RABGAP1: variants seen among roughly 807,000 people sequenced by gnomAD.
RABGAP1 encodes the protein RAB GTPase activating protein 1.
In RABGAP1, 23 loss-of-function variants were observed where a neutral mutation model predicts 137.6. That is an observed-to-expected ratio of 0.17 (90% confidence interval 0.12 to 0.24). RABGAP1 has a LOEUF of 0.24. Among genes scored for constraint, RABGAP1 ranks in the 10% least tolerant of loss-of-function variants. The pLI is 1.00. For missense variants in RABGAP1, 906 were observed against 1,275.8 expected, an observed-to-expected ratio of 0.71 and a Z score of 4.42; for synonymous variants, 451 against 450.7, an observed-to-expected ratio of 1.00 and a Z score of -0.01.
At chr9:123,078,695 T>A (rs1315126686) in intron 19 of RABGAP1, among the ~76,000 whole-genome samples, 1 of 152,160 alleles carries the variant, frequency 6.6e-6, no homozygotes, top group African/African-American at 2.4e-5. Context: ...TTTCTCAGTG[T>A]CCCCATCTCA....
chr9:123,090,535 C>T (rs2035004116), intron 21 of RABGAP1, 150 bp downstream of exon 21: 3 of 592,730 alleles, frequency 5.1e-6, no homozygotes, highest in African/African-American at 3.8e-5. Flanking sequence ...TCACTTCCCT[C>T]CTTTCCTTCA....
chr9:123,090,719 T>C (rs1233018484), intron 21 of RABGAP1, among the ~76,000 whole-genome samples: 1 of 152,166 alleles, frequency 6.6e-6, no homozygotes, highest in East Asian at 1.9e-4. Context: ...ACCTCCCTCC[T>C]CAGACAGGAA....
chr9:122,965,652 A>G (rs959696564), intron 2 of RABGAP1, among the ~76,000 whole-genome samples: 1 of 152,150 alleles, frequency 6.6e-6, no homozygotes, highest in African/African-American at 2.4e-5. Flanking sequence ...CCAAAGTGCT[A>G]GGATTACAGG....
At chr9:122,992,827 A>G (rs1433837372) in intron 6 of RABGAP1, among the ~76,000 whole-genome samples, 3 of 150,058 alleles carry the variant, frequency 2.0e-5, no homozygotes, top group African/African-American at 7.3e-5. Flanking sequence ...ATTATACCTA[A>G]ATAATTATTA....
At chr9:122,981,068 C>T (rs1014764568) in intron 2 of RABGAP1, among the ~76,000 whole-genome samples, 2 of 152,002 alleles carry the variant, frequency 1.3e-5, no homozygotes, top group Non-Finnish European at 2.9e-5. Context: ...GATAGAGTCT[C>T]ATTCTGTCAC....
At chr9:123,089,611 A>G (rs1345502911) in intron 19 of RABGAP1, 147 bp from the exon 20 acceptor site, 21 of 635,024 alleles carry the variant, frequency 3.3e-5, no homozygotes, top group Non-Finnish European at 5.2e-5. Context: ...CCCTACTCTG[A>G]TGATTTCCCT....
chr9:123,032,781 A>G (rs2032373286), intron 13 of RABGAP1, among the ~76,000 whole-genome samples: 1 of 152,224 alleles, frequency 6.6e-6, no homozygotes, highest in African/African-American at 2.4e-5. Context: ...CATTTATGAC[A>G]TTACCAGGAA....
At chr9:122,997,689 T>C (rs1227436923) in intron 9 of RABGAP1, among the ~76,000 whole-genome samples, 3 of 152,216 alleles carry the variant, frequency 2.0e-5, no homozygotes, top group South Asian at 2.1e-4. Flanking sequence ...AAAGGATTTA[T>C]AGGGGGAAGT....
chr9:123,034,535 GC>G, intron 13 of RABGAP1: 1 of 1,403,290 alleles, frequency 7.1e-7, no homozygotes, highest in Non-Finnish European at 9.8e-7. Context: ...CCAAGCGGCA[GC>G]ATGAAGTGAC....
chr9:123,016,688 C>A (rs184494632), intron 12 of RABGAP1, among the ~76,000 whole-genome samples: 1 of 152,146 alleles, frequency 6.6e-6, no homozygotes, highest in African/African-American at 2.4e-5. Flanking sequence ...CTGAACACTT[C>A]TCTATTTCTG....
intron 2 of RABGAP1, among the ~76,000 whole-genome samples, chr9:122,959,364 CAAAAAAAAA>C (rs33932737): frequency 4.6e-5 from 5 of 107,746 alleles, no homozygotes; most frequent in Non-Finnish European, 8.7e-5. Flanking sequence ...TGGGGCTTTA[CAAAAAAAAA>C]AAAAAAAAAA....
At chr9:123,096,570 T>G (rs956518823) in intron 21 of RABGAP1, among the ~76,000 whole-genome samples, 1 of 152,180 alleles carries the variant, frequency 6.6e-6, no homozygotes, top group East Asian at 1.9e-4. Context: ...AGTTCCACCT[T>G]TTTTTCTCTC....
chr9:123,025,616 T>G (rs1044403072), intron 13 of RABGAP1, among the ~76,000 whole-genome samples: 2 of 151,408 alleles, frequency 1.3e-5, no homozygotes, highest in East Asian at 3.9e-4. Context: ...ATTGTTAAAT[T>G]GGTTCCTAAG....
chr9:122,950,608 A>C (rs545926587), intron 1 of RABGAP1, among the ~76,000 whole-genome samples: 39 of 151,966 alleles, frequency 2.6e-4, no homozygotes, highest in Middle Eastern at 3.4e-3. Flanking sequence ...TTACCTGTTT[A>C]CTGGTCTGTT....
intron 19 of RABGAP1, among the ~76,000 whole-genome samples, chr9:123,077,199 G>C (rs1224942929): frequency 1.3e-5 from 2 of 149,104 alleles, no homozygotes; most frequent in Admixed American, 1.3e-4. Context: ...GACAAGGCTA[G>C]AGTGCAGTGG....
chr9:123,025,931 T>C (rs897705052), intron 13 of RABGAP1, among the ~76,000 whole-genome samples: 1 of 152,082 alleles, frequency 6.6e-6, no homozygotes. Flanking sequence ...ATGATGGTGA[T>C]AACTAGCACC....
intron 4 of RABGAP1, among the ~76,000 whole-genome samples, chr9:122,986,681 A>T (rs891304861): frequency 6.6e-6 from 1 of 152,222 alleles, no homozygotes; most frequent in Non-Finnish European, 1.5e-5. Flanking sequence ...ATATATTGAC[A>T]TGAGTCAGCC....
intron 6 of RABGAP1, among the ~76,000 whole-genome samples, chr9:122,995,566 A>ATTTTTTTTT (rs34683455): frequency 1.7e-5 from 2 of 118,470 alleles, no homozygotes; most frequent in Non-Finnish European, 3.3e-5. Context: ...ATATCAAATG[A>ATTTTTTTTT]TTTTTTTTTT....
At chr9:123,084,002 CA>C (rs2034792712) in intron 19 of RABGAP1, among the ~76,000 whole-genome samples, 1 of 152,182 alleles carries the variant, frequency 6.6e-6, no homozygotes. Context: ...CCCAAACTTG[CA>C]TTCTTATGCT....
Sources: allele counts gnomAD v4.1 joint callset (sites outside exome capture counted in the v4.1 genomes callset), GRCh38; gene constraint gnomAD v4.1.1; transcripts MANE v1.5; gene names NCBI Gene and HGNC (gene_info 2026-07-23, HGNC 2026-07-21).